ERAP1: variants seen among roughly 807,000 people sequenced by gnomAD.
ERAP1 encodes the protein endoplasmic reticulum aminopeptidase 1.
ERAP1 carries 86 observed loss-of-function variants against 103.7 expected under a neutral mutation model. The observed-to-expected ratio is 0.83, with a 90% CI of 0.70 to 0.99. The LOEUF (loss-of-function observed/expected upper bound fraction) is 0.99. Among genes scored for constraint, ERAP1 ranks in the 50% least tolerant of loss-of-function variants. The pLI, the probability that ERAP1 is intolerant of heterozygous loss-of-function variation, is 0.00. For missense variants in ERAP1, 1,009 were observed against 1,128.4 expected, an observed-to-expected ratio of 0.89 and a Z score of 1.52; for synonymous variants, 398 against 402.4, an observed-to-expected ratio of 0.99 and a Z score of 0.13.
At chr5:96,789,173 A>C (rs1776434340) in intron 10 of ERAP1, among the ~76,000 whole-genome samples, 1 of 152,220 alleles carries the variant, frequency 6.6e-6, no homozygotes, top group African/African-American at 2.4e-5. Context: ...ATACTAAAAA[A>C]GCTTTTAAGA....
chr5:96,804,006 A>G, intron 1 of ERAP1, 63 bp from the exon 2 acceptor site: 3 of 1,549,608 alleles, frequency 1.9e-6, no homozygotes, highest in African/African-American at 1.4e-5. Context: ...ACACAGCATA[A>G]TTTCAGAATG....
At chr5:96,881,704 T>G in the ERAP1 span, among the ~76,000 whole-genome samples, 1 of 152,102 alleles carries the variant, frequency 6.6e-6, no homozygotes, top group Non-Finnish European at 1.5e-5. Flanking sequence ...GCTTTCTTCC[T>G]AATACTTGCA....
chr5:96,894,654 T>C, the ERAP1 span, among the ~76,000 whole-genome samples: 2 of 152,194 alleles, frequency 1.3e-5, no homozygotes, highest in South Asian at 4.1e-4. Context: ...ATTTGATTTA[T>C]ATATTTTTTA....
At chr5:96,838,743 G>C in the ERAP1 span, among the ~76,000 whole-genome samples, 1 of 152,076 alleles carries the variant, frequency 6.6e-6, no homozygotes, top group Non-Finnish European at 1.5e-5. Flanking sequence ...CACAGAGGAA[G>C]TGACAGAACT....
chr5:96,844,095 C>A, the ERAP1 span, among the ~76,000 whole-genome samples: 1 of 152,120 alleles, frequency 6.6e-6, no homozygotes, highest in Non-Finnish European at 1.5e-5. Context: ...AAATAAACAC[C>A]CTTCTTTCTC....
chr5:96,894,105 T>C, the ERAP1 span, among the ~76,000 whole-genome samples: 1 of 152,230 alleles, frequency 6.6e-6, no homozygotes, highest in Non-Finnish European at 1.5e-5. Flanking sequence ...ATCATTTGTA[T>C]TGAGGCAGTG....
rs758951692 is a variant in ERAP1 at position 96,790,358 on chromosome 5, T to C, written c.1462A>G (p.Thr488Ala). Residue 488 changes from threonine (T) to alanine (A), a missense_variant, in exon 10 of 19, where the codon ACA becomes GCA. This residue lies in a region of ERAP1 where 611 missense variants were observed against 651.7 expected (regional missense o/e 0.94). Coordinates refer to ENST00000443439, the MANE Select transcript of ERAP1 (RefSeq NM_001040458.3). ...LWDSMASICP[T>A]DGVKGMDGFC... ...CCATCCATCCCTTTTACACCATCTG[T>C]AGGGCAAATCTAAAAACCAAAAATA... The C allele has an allele frequency of 1.2e-6, 2 of 1,614,096 alleles. No individual in the cohort carries two copies. The highest frequency in any genetic ancestry group is 1.7e-5 in the Admixed American group (1 of 60,032).
Position 96,775,370 on chromosome 5 carries a change from G to T in ERAP1, c.*1026C>A, listed in dbSNP as rs1056017320. 1 of 984,448 alleles carries T rather than the reference G, an allele frequency of 1.0e-6. No homozygotes were observed. The allele number at this position is 984,448 out of a possible 1,614,324, so 61.0% of individuals were successfully genotyped here. A position where few individuals can be genotyped will look rare whatever the true frequency, so the allele number is the denominator to read the frequency against. ...TTATTGGTGACTGCAATAATTTACTGTCAGTAAATGCCAATAACTAGTTAG... is the reference window on the plus strand; with the variant it reads ...TTATTGGTGACTGCAATAATTTACTTTCAGTAAATGCCAATAACTAGTTAG... On this transcript the variant is annotated 3_prime_UTR_variant, in exon 19 of 19. Transcript: ENST00000443439.
the ERAP1 span, among the ~76,000 whole-genome samples, chr5:96,859,334 T>C: frequency 6.6e-6 from 1 of 152,048 alleles, no homozygotes; most frequent in South Asian, 2.1e-4. Context: ...GGGGCCACAT[T>C]CACCTTCGTG....
intron 19 of ERAP1, among the ~76,000 whole-genome samples, chr5:96,765,844 T>G (rs1403566988): frequency 1.3e-5 from 2 of 152,212 alleles, no homozygotes; most frequent in African/African-American, 4.8e-5. Context: ...AGATATGAAT[T>G]GACATACAGA....
the ERAP1 span, chr5:96,884,066 CTATCTATCTATCT>C: frequency 4.7e-6 from 3 of 638,976 alleles, no homozygotes; most frequent in Admixed American, 3.8e-5. Flanking sequence ...ATCTATCTAT[CTATCTATCTATCT>C]ATCATCATAA....
chr5:96,935,845 A>T, the ERAP1 span: 1 of 368,904 alleles, frequency 2.7e-6, no homozygotes, highest in Non-Finnish European at 4.9e-6. Flanking sequence ...AGAGCGCCGC[A>T]GCCGGGTCCA....
chr5:96,840,544 A>C, the ERAP1 span, among the ~76,000 whole-genome samples: 33 of 152,150 alleles, frequency 2.2e-4, no homozygotes, highest in Non-Finnish European at 3.4e-4. Flanking sequence ...AAATGTGTAA[A>C]TGTTTCACTT....
At chr5:96,807,045 T>C (rs1327393141) in intron 1 of ERAP1, among the ~76,000 whole-genome samples, 1 of 152,148 alleles carries the variant, frequency 6.6e-6, no homozygotes, top group Non-Finnish European at 1.5e-5. Flanking sequence ...GGGTGTTTAA[T>C]AGGAAACAGA....
At chr5:96,884,786 C>T in the ERAP1 span, among the ~76,000 whole-genome samples, 1 of 152,156 alleles carries the variant, frequency 6.6e-6, no homozygotes, top group East Asian at 1.9e-4. Flanking sequence ...GTCTCAAACT[C>T]AGGGACCCTG....
the ERAP1 span, among the ~76,000 whole-genome samples, chr5:96,842,873 T>C: frequency 6.6e-6 from 1 of 152,122 alleles, no homozygotes. Context: ...TCTAGAAGGA[T>C]TTTTTTTCCA....
rs10610859 is a variant in ERAP1 at position 96,765,814 on chromosome 5, AATAT to A, written c.2819-2590_2819-2587del. ...TATTTAATCATTTATTTCCATTTAA[AATAT>A]AGCTAGAAAATTCACAGATATGAAT... On this transcript the variant is annotated intron_variant, in intron 19 of 19. Coordinates refer to the ERAP1 transcript ENST00000296754. 0.23 allele frequency among the ~76,000 whole-genome samples: 35,532 copies of A among 152,042 alleles called. 4,730 individuals are homozygous for A. The highest frequency in any genetic ancestry group is 0.32 in the Non-Finnish European group (21,537 of 67,902).
chr5:96,795,218 C>A, intron 4 of ERAP1, 56 bp from the exon 5 acceptor site: 3 of 1,604,790 alleles, frequency 1.9e-6, no homozygotes, highest in Admixed American at 3.3e-5. Context: ...TCTCTCCCCA[C>A]ATTGTGTAGA....
At chr5:96,930,618 T>A in the ERAP1 span, among the ~76,000 whole-genome samples, 86 of 152,308 alleles carry the variant, frequency 5.6e-4, no homozygotes, top group Admixed American at 1.0e-3. Context: ...GTGAACCTCA[T>A]CATTCCTCAG....
Sources: gnomAD v4.1 joint callset for allele counts (sites outside exome capture counted in the v4.1 genomes callset) on GRCh38, gnomAD v4.1.1 for gene constraint, gnomAD v4.1.1 regional missense constraint, MANE v1.5 for transcripts, NCBI Gene and HGNC (gene_info 2026-07-23, HGNC 2026-07-21) for gene names.